FAT3: variants seen among roughly 807,000 people sequenced by gnomAD.
FAT3 encodes the protein FAT atypical cadherin 3.
In FAT3, 95 loss-of-function variants were observed where a neutral mutation model predicts 310.2. The ratio of observed to expected loss-of-function variants is 0.31; its 90% CI spans 0.26 to 0.36. The LOEUF is 0.36. Ranked by LOEUF, FAT3 falls within the 10% of genes least tolerant of loss-of-function variation. FAT3 has a pLI of 1.00. For missense variants in FAT3, 5,408 were observed against 5,715.6 expected (o/e 0.95, Z 1.74); for synonymous variants, 2,314 against 2,192.9 (o/e 1.06, Z -1.54).
At chr11:92,277,149 G>A (rs1946294647) in intron 1 of FAT3, among the ~76,000 whole-genome samples, 1 of 152,268 alleles carries the variant, frequency 6.6e-6, no homozygotes, top group Non-Finnish European at 1.5e-5. Flanking sequence ...TTAATGAAAT[G>A]TGCCTGTGTA....
intron 1 of FAT3, among the ~76,000 whole-genome samples, chr11:92,332,296 T>G (rs575332407): frequency 2.4e-4 from 36 of 152,230 alleles, no homozygotes; most frequent in Non-Finnish European, 4.3e-4. Flanking sequence ...TTCCAGTTAA[T>G]CATTAGAATT....
intron 2 of FAT3, among the ~76,000 whole-genome samples, chr11:92,379,117 A>G (rs1175177332): frequency 6.6e-6 from 1 of 152,102 alleles, no homozygotes; most frequent in Non-Finnish European, 1.5e-5. Flanking sequence ...TCTGTAAGAA[A>G]CACTTTTCCA....
intron 2 of FAT3, among the ~76,000 whole-genome samples, chr11:92,407,809 T>C (rs576577147): frequency 6.6e-6 from 1 of 152,316 alleles, no homozygotes; most frequent in East Asian, 1.9e-4. Context: ...CATTAATTCC[T>C]GTTAAATTAT....
chr11:92,616,569 A>T (rs997052984), intron 3 of FAT3, among the ~76,000 whole-genome samples: 2 of 152,078 alleles, frequency 1.3e-5, no homozygotes, highest in Non-Finnish European at 2.9e-5. Context: ...TTCTTCCTAG[A>T]ATCGATGGTC....
intron 3 of FAT3, among the ~76,000 whole-genome samples, chr11:92,566,318 C>T (rs897127214): frequency 6.6e-6 from 1 of 152,150 alleles, no homozygotes; most frequent in African/African-American, 2.4e-5. Flanking sequence ...ACCTAGGAAT[C>T]TACCTTACAA....
chr11:92,656,091 G>A (rs1358325896), intron 3 of FAT3, among the ~76,000 whole-genome samples: 1 of 152,142 alleles, frequency 6.6e-6, no homozygotes, highest in Non-Finnish European at 1.5e-5. Flanking sequence ...TTGGGGTTAT[G>A]AGCCCCTAGA....
chr11:92,860,493 G>A (rs141053171), intron 21 of FAT3, among the ~76,000 whole-genome samples: 7 of 152,330 alleles, frequency 4.6e-5, no homozygotes, highest in South Asian at 4.1e-4. Flanking sequence ...GGAGGGAGAC[G>A]TGTTTCATCT....
chr11:92,608,016 A>G (rs767528431), intron 3 of FAT3, among the ~76,000 whole-genome samples: 11 of 152,096 alleles, frequency 7.2e-5, no homozygotes, highest in Non-Finnish European at 1.6e-4. Context: ...TTTTAATCTT[A>G]AAATGAAATA....
intron 2 of FAT3, among the ~76,000 whole-genome samples, chr11:92,508,214 CA>C (rs889774958): frequency 6.6e-6 from 1 of 152,026 alleles, no homozygotes; most frequent in African/African-American, 2.4e-5. Flanking sequence ...CTATTTTGGT[CA>C]AAGTTGTCTC....
At chr11:92,311,349 G>A (rs538306716) in intron 1 of FAT3, among the ~76,000 whole-genome samples, 23 of 152,188 alleles carry the variant, frequency 1.5e-4, no homozygotes, top group East Asian at 3.9e-4. Context: ...TATTGGGGAC[G>A]GAGATCCCTT....
intron 2 of FAT3, among the ~76,000 whole-genome samples, chr11:92,430,558 G>A (rs568516733): frequency 8.6e-5 from 13 of 151,844 alleles, no homozygotes; most frequent in Non-Finnish European, 1.5e-4. Context: ...TGTGTACAAC[G>A]TGCAGGTTAG....
intron 2 of FAT3, among the ~76,000 whole-genome samples, chr11:92,511,598 G>A (rs931373636): frequency 1.3e-5 from 2 of 152,108 alleles, no homozygotes; most frequent in Non-Finnish European, 2.9e-5. Context: ...GATGGTAGAG[G>A]GACAGAAATA....
intron 3 of FAT3, among the ~76,000 whole-genome samples, chr11:92,526,539 T>C (rs1953871964): frequency 6.6e-6 from 1 of 152,138 alleles, no homozygotes. Context: ...AAAAGGGAAG[T>C]TTTCTCTGTT....
In FAT3 at chr11:92,640,832, C is replaced by A. The variant is rs554489062; in HGVS notation, c.3608-56552C>A. On this transcript the variant is annotated intron_variant, in intron 3 of 27. Coordinates refer to ENST00000525166, the MANE Select transcript of FAT3 (RefSeq NM_001367949.2). Reference sequence around the variant, plus strand: ...CTGTTTCTTTCCCCAACATAAGGCACAGTTGGTGAATGTGAATGTGGCTTC... The same window carrying A: ...CTGTTTCTTTCCCCAACATAAGGCAAAGTTGGTGAATGTGAATGTGGCTTC... Among the ~76,000 whole-genome samples the A allele has an allele frequency of 2.0e-5, 3 of 152,258 alleles. No individual in the cohort carries two copies. The South Asian group carries it at 6.2e-4, about 32-fold the overall frequency.
At chr11:92,525,027 ATTTAC>A in intron 3 of FAT3, 79 bp downstream of exon 3, 2 of 1,168,358 alleles carry the variant, frequency 1.7e-6, no homozygotes, top group South Asian at 3.0e-5. Flanking sequence ...TTCTGTACTC[ATTTAC>A]TTTATTTTCT....
At chr11:92,652,153 C>A (rs1942403214) in intron 3 of FAT3, among the ~76,000 whole-genome samples, 1 of 152,094 alleles carries the variant, frequency 6.6e-6, no homozygotes, top group Admixed American at 6.5e-5. Context: ...TAACAACCCC[C>A]CTCTGCAGTC....
chr11:92,736,138 G>A (rs143035669), intron 4 of FAT3, among the ~76,000 whole-genome samples: 83 of 152,248 alleles, frequency 5.5e-4, no homozygotes, highest in African/African-American at 1.7e-3. Context: ...CTAGTTGGGA[G>A]CTGAGTTACT....
chr11:92,649,446 T>C (rs938118755), intron 3 of FAT3, among the ~76,000 whole-genome samples: 1 of 152,200 alleles, frequency 6.6e-6, no homozygotes, highest in Non-Finnish European at 1.5e-5. Flanking sequence ...GGCAGAGCTC[T>C]AGACCTCTCC....
chr11:92,465,935 C>A (rs1951748712), intron 2 of FAT3, among the ~76,000 whole-genome samples: 1 of 152,002 alleles, frequency 6.6e-6, no homozygotes, highest in African/African-American at 2.4e-5. Flanking sequence ...AGTAAAACAT[C>A]AACAAAGTCA....
Sources: gnomAD v4.1 joint callset for allele counts (sites outside exome capture counted in the v4.1 genomes callset) on GRCh38, gnomAD v4.1.1 for gene constraint, MANE v1.5 for transcripts, NCBI Gene and HGNC (gene_info 2026-07-23, HGNC 2026-07-21) for gene names.